The following PRDM15 variants were observed in gnomAD, a reference collection of about 807,000 sequenced individuals.
PRDM15 encodes the protein PR/SET domain 15, also known as PR domain zinc finger protein 15.
PRDM15 carries 64 observed loss-of-function variants against 128.6 expected under a neutral mutation model. The observed-to-expected ratio is 0.50, with a 90% CI of 0.41 to 0.61. The LOEUF (loss-of-function observed/expected upper bound fraction) is 0.61. PRDM15 is among the 20% of genes least tolerant of loss of function. The pLI is 0.00. For missense variants in PRDM15, 1,242 were observed against 1,569.1 expected (o/e 0.79, Z 3.52); for synonymous variants, 615 against 621.8 (o/e 0.99, Z 0.16).
chr21:41,806,888 TACC>T (rs1310800356), intron 21 of PRDM15, among the ~76,000 whole-genome samples: 3,012 of 141,466 alleles, frequency 0.021, 23 homozygotes, highest in South Asian at 0.05. Context: ...TCAGCACCAC[TACC>T]ACCATGTGGC....
chr21:41,810,137 C>A lies in PRDM15; in HGVS notation c.2652+17G>T, dbSNP rs559989093. ...GCCCGCTGGCGGGGCACGGAGGGGG[C>A]ACAGCCACCAGCTCACCTCGGGGTG... is the stretch of plus-strand genomic sequence containing the variant. On this transcript the variant is annotated intron_variant, in intron 21 of 23. Coordinates refer to ENST00000398548, the MANE Select transcript of PRDM15 (RefSeq NM_001040424.3). The surrounding 1 kb of genome is among the most constrained non-coding windows in gnomAD (Gnocchi z 6.4). The A allele has an allele frequency of 1.4e-4, 223 of 1,594,428 alleles. 3 individuals are homozygous for A. In the South Asian group the frequency reaches 2.4e-3, roughly 17 times the overall value.
intron 22 of PRDM15, 150 bp from the exon 23 acceptor site, chr21:41,803,071 C>G (rs2061460113): frequency 1.5e-6 from 1 of 672,704 alleles, no homozygotes; most frequent in African/African-American, 1.8e-5. Flanking sequence ...GTGACCACAG[C>G]TGGGTCTTGT....
chr21:41,815,865 C>T, intron 18 of PRDM15, 29 bp from the exon 19 acceptor site: 1 of 1,608,258 alleles, frequency 6.2e-7, no homozygotes. Context: ...TCAGAGGCGG[C>T]CACACCCCCA....
At chr21:41,808,252 G>A (rs953374840) in intron 21 of PRDM15, among the ~76,000 whole-genome samples, 5 of 152,166 alleles carry the variant, frequency 3.3e-5, no homozygotes, top group Non-Finnish European at 7.3e-5. Flanking sequence ...CTACTCCCCC[G>A]ACTCTGTTTT....
At chr21:41,871,953 G>A (rs1425806258) in intron 1 of PRDM15, 1 of 216,166 alleles carries the variant, frequency 4.6e-6, no homozygotes, top group African/African-American at 2.3e-5. Flanking sequence ...CTGCAAGGAA[G>A]GCCCCAGGAT....
intron 18 of PRDM15, among the ~76,000 whole-genome samples, chr21:41,818,703 G>A (rs1037855033): frequency 4.6e-5 from 7 of 152,210 alleles, no homozygotes; most frequent in East Asian, 1.9e-4. Flanking sequence ...CACTGTCACC[G>A]GGACAGCATG....
At chr21:41,878,814 G>C in intron 1 of PRDM15, 1 of 1,169,364 alleles carries the variant, frequency 8.6e-7, no homozygotes. Flanking sequence ...CGACGACGCC[G>C]CCCGGCGGCG....
intron 14 of PRDM15, among the ~76,000 whole-genome samples, chr21:41,822,401 ACCCCAAGT>A (rs1349539970): frequency 6.6e-6 from 1 of 152,002 alleles, no homozygotes; most frequent in Non-Finnish European, 1.5e-5. Flanking sequence ...CCTTTATCAC[ACCCCAAGT>A]CCTCCCTGCT....
intron 1 of PRDM15, among the ~76,000 whole-genome samples, chr21:41,868,890 A>C (rs963303778): frequency 6.6e-6 from 1 of 151,876 alleles, no homozygotes; most frequent in Admixed American, 6.6e-5. Flanking sequence ...GGGTTTCACC[A>C]TGTTGGCCAG....
chr21:41,878,963 G>C (rs1164965885), intron 1 of PRDM15: 3 of 979,318 alleles, frequency 3.1e-6, no homozygotes, highest in Non-Finnish European at 3.6e-6. Context: ...CGGGGGCGCG[G>C]AGCCCGGCCA....
At position 41,838,055 on chromosome 21, in the gene PRDM15, C is replaced by T; in HGVS notation, c.880G>A (p.Ala294Thr). Residue 294 changes from alanine (A) to threonine (T), a missense_variant, in exon 8 of 24, where the codon GCA becomes ACA. Ala to Thr is a moderately conservative substitution (Grantham distance 58). Transcript: ENST00000398548. ...GGAGGGACCTCGGTAATGATCTCTG[C>T]CACTTGCTCTGTACGAAGGGGATGT... ...VEDKEPTEQVAEIITEVPPDE... is the reference protein window; with the variant it reads ...VEDKEPTEQVTEIITEVPPDE... 1 of 1,614,024 alleles carries T rather than the reference C, an allele frequency of 6.2e-7. No homozygotes were observed. Among genetic ancestry groups the T allele is most frequent in the Non-Finnish European group, 8.5e-7 (1 of 1,179,998 alleles).
chr21:41,876,251 T>C (rs1289213302), intron 1 of PRDM15, among the ~76,000 whole-genome samples: 2 of 152,174 alleles, frequency 1.3e-5, no homozygotes, highest in Non-Finnish European at 2.9e-5. Context: ...CTGTGTTTAA[T>C]AGAAGAGAAA....
Position 41,810,600 on chromosome 21 carries a change from G to C in PRDM15, c.2476+153C>G, listed in dbSNP as rs570921752. 69 of 665,180 alleles carry C rather than the reference G, an allele frequency of 1.0e-4. No individual in the cohort carries two copies. The African/African-American group carries it at 1.0e-3, about 10-fold the overall frequency. The allele number at this position is 665,180 out of a possible 1,614,324, so 41.2% of individuals were successfully genotyped here. A position where few individuals can be genotyped will look rare whatever the true frequency, so the allele number is the denominator to read the frequency against. ...GAAAGCTGTGGCGGGTTGACCTTCAGAGGCCAAGGGGCCACCATGAAGCCA... is the reference window on the plus strand; with the variant it reads ...GAAAGCTGTGGCGGGTTGACCTTCACAGGCCAAGGGGCCACCATGAAGCCA... On this transcript the variant is annotated intron_variant, in intron 20 of 23. Coordinates refer to ENST00000398548, the MANE Select transcript of PRDM15 (RefSeq NM_001040424.3). The surrounding 1 kb of genome is among the most constrained non-coding windows in gnomAD (Gnocchi z 6.4).
intron 5 of PRDM15, among the ~76,000 whole-genome samples, chr21:41,850,201 C>T (rs951728732): frequency 2.0e-5 from 3 of 152,024 alleles, no homozygotes; most frequent in African/African-American, 7.2e-5. Context: ...CTTCAAGCAG[C>T]GGATTCTCAG....
At chr21:41,837,321 A>G (rs558640537) in intron 8 of PRDM15, among the ~76,000 whole-genome samples, 1 of 152,232 alleles carries the variant, frequency 6.6e-6, no homozygotes, top group Non-Finnish European at 1.5e-5. Context: ...CTGTCCATCA[A>G]TGGATGCATG....
chr21:41,826,057 G>A lies in PRDM15; in HGVS notation c.1535-3C>T. Reference sequence around the variant, plus strand: ...CTCTCGCTTCACTCGCCGCACTCCTGAAATTGCCAACCCCACCAGCAAGAC... The same window carrying A: ...CTCTCGCTTCACTCGCCGCACTCCTAAAATTGCCAACCCCACCAGCAAGAC... On this transcript the variant is annotated splice_polypyrimidine_tract_variant and splice_region_variant and intron_variant, in intron 12 of 23. Coordinates refer to ENST00000398548, the MANE Select transcript of PRDM15 (RefSeq NM_001040424.3). The A allele has an allele frequency of 6.2e-6, 10 of 1,613,152 alleles. No homozygotes were observed. Among genetic ancestry groups the A allele is most frequent in the Non-Finnish European group, 7.6e-6 (9 of 1,179,188 alleles).
Position 41,811,709 on chromosome 21 carries a change from C to T in PRDM15, c.2393-873G>A, listed in dbSNP as rs7283792. The stretch of plus-strand genomic sequence containing the variant: ...TTTTTTTTTTTTTTTTTTGAGACAG[C>T]GTCTCACTCTGTTGCCCAGGTTGGA... On this transcript the variant is annotated intron_variant, in intron 19 of 23. Coordinates refer to ENST00000398548, the MANE Select transcript of PRDM15 (RefSeq NM_001040424.3). The surrounding 1 kb of genome is among the most constrained non-coding windows in gnomAD (Gnocchi z 4.1). 76,571 of 146,274 alleles carry T rather than the reference C, an allele frequency of 0.52. 20,274 individuals carry two copies. Among genetic ancestry groups the T allele is most frequent in the Non-Finnish European group, 0.54 (36,308 of 67,158 alleles). 9.1% of individuals were successfully genotyped at this position (146,274 alleles called of 1,614,324 possible). A position where few individuals can be genotyped will look rare whatever the true frequency, so the allele number is the denominator to read the frequency against.
chr21:41,834,504 C>A (rs1001711956), intron 11 of PRDM15: 12 of 1,550,192 alleles, frequency 7.7e-6, no homozygotes, highest in Non-Finnish European at 1.0e-5. Context: ...CGAAGGCTAA[C>A]CTGGTAGGTC....
intron 1 of PRDM15, chr21:41,861,539 C>CG (rs768820482): frequency 5.6e-5 from 87 of 1,557,766 alleles, no homozygotes; most frequent in Non-Finnish European, 6.7e-5. Context: ...CCTCTGCCCC[C>CG]CCCCAATCCC....
Sources: allele counts gnomAD v4.1 joint callset (sites outside exome capture counted in the v4.1 genomes callset), GRCh38; gene constraint gnomAD v4.1.1; non-coding constraint Gnocchi (gnomAD v3.1); transcripts MANE v1.5; gene names NCBI Gene and HGNC (gene_info 2026-07-23, HGNC 2026-07-21).